Variants in SLX4 observed in about 807,000 individuals in gnomAD.
The protein encoded by SLX4 is SLX4 structure-specific endonuclease subunit.
In SLX4, 112 loss-of-function variants were observed where a neutral mutation model predicts 146.2. The observed-to-expected ratio is 0.77, with a 90% confidence interval of 0.66 to 0.90. The LOEUF is 0.90. Among genes scored for constraint, SLX4 ranks in the 40% least tolerant of loss-of-function variants. The pLI, the probability that SLX4 is intolerant of heterozygous loss-of-function variation, is 0.00. For synonymous variants in SLX4, 1,061 were observed against 997.7 expected, an observed-to-expected ratio of 1.06 and a Z score of -1.20; for missense variants, 2,563 against 2,392.7, an observed-to-expected ratio of 1.07 and a Z score of -1.49.
rs1333192827 is a variant in SLX4, at chr16:3,592,874, G to A, written c.2161-9C>T. 22 of 1,608,136 alleles carry A rather than the reference G, an allele frequency of 1.4e-5. No individual in the cohort carries two copies. Among genetic ancestry groups the A allele is most frequent in the Non-Finnish European group, 1.9e-5 (22 of 1,177,374 alleles). On this transcript the variant is annotated splice_polypyrimidine_tract_variant and intron_variant, in intron 10 of 14. Coordinates refer to ENST00000294008, the MANE Select transcript of SLX4 (RefSeq NM_032444.4). ...AAGCCTTCATTGTTCACCTGCAGGT[G>A]AAATGCAACACAGAGGGTTTACTGA...
rs1373407098 is a variant in SLX4 at position 3,592,991 on chromosome 16, C to T, written c.2161-126G>A. 1.2e-5 allele frequency: 11 copies of T among 929,180 alleles called. No homozygotes were observed. In the Admixed American group the frequency reaches 2.2e-4, roughly 19 times the overall value. 57.6% of individuals were successfully genotyped at this position (929,180 alleles called of 1,614,324 possible). The stretch of plus-strand genomic sequence containing the variant: ...TTTTTCTTTTTAGAGACAGTGTCTC[C>T]CCTTGTCACCCAGGCTAGAGTACAG... On this transcript the variant is annotated intron_variant, in intron 10 of 14. Coordinates refer to ENST00000294008, the MANE Select transcript of SLX4 (RefSeq NM_032444.4).
At position 3,582,197 on chromosome 16, in the gene SLX4, T is replaced by C. The variant is rs560416810; in HGVS notation, c.*145A>G. 4.4e-6 allele frequency: 3 copies of C among 674,826 alleles called. No homozygotes were observed. The highest frequency in any genetic ancestry group is 7.6e-6 in the Non-Finnish European group (3 of 393,796). The allele number at this position is 674,826 out of a possible 1,614,324, so 41.8% of individuals were successfully genotyped here. ...GAAGCCCTGGATTGGGCTGTGGTCA[T>C]CATCACAGCGCAGAGCTGATGTGGT... is the stretch of plus-strand genomic sequence containing the variant. On this transcript the variant is annotated 3_prime_UTR_variant, in exon 15 of 15. Coordinates refer to ENST00000294008, the MANE Select transcript of SLX4 (RefSeq NM_032444.4).
rs754209356 is a variant in SLX4, at chr16:3,583,091, G to T, written c.5153+6C>A. 3.7e-5 allele frequency: 60 copies of T among 1,614,226 alleles called. No homozygotes were observed. In the East Asian group the frequency reaches 1.3e-3, roughly 34 times the overall value. On this transcript the variant is annotated splice_donor_region_variant and intron_variant, in intron 14 of 14. Coordinates refer to ENST00000294008, the MANE Select transcript of SLX4 (RefSeq NM_032444.4). ...GCCACTGACCCCATCGCATCCATCC[G>T]GTTACCTCTGTGAGCTCAAGGAGCT...
chr16:3,604,093 G>T (rs1372714296), intron 3 of SLX4, among the ~76,000 whole-genome samples: 2 of 151,886 alleles, frequency 1.3e-5, no homozygotes, highest in Admixed American at 1.3e-4. Flanking sequence ...TTAGCCGGGT[G>T]TGGTGGTGGG....
At chr16:3,592,887 G>A (rs1188023148) in intron 10 of SLX4, 22 bp from the exon 11 acceptor site, 13 of 1,602,612 alleles carry the variant, frequency 8.1e-6, no homozygotes, top group African/African-American at 1.3e-5. Flanking sequence ...ATGCAACACA[G>A]AGGGTTTACT....
chr16:3,592,347 T>G (rs1445043650), intron 11 of SLX4, among the ~76,000 whole-genome samples: 1 of 152,364 alleles, frequency 6.6e-6, no homozygotes, highest in Admixed American at 6.5e-5. Flanking sequence ...TGGAAAGGAC[T>G]GCTGTTGTTC....
At position 3,589,924 on chromosome 16, in the gene SLX4, G is replaced by A; in HGVS notation, c.3714C>T (p.Phe1238=). The A allele has an allele frequency of 6.2e-7, 1 of 1,613,884 alleles. No individual in the cohort carries two copies. The highest frequency in any genetic ancestry group is 8.5e-7 in the Non-Finnish European group (1 of 1,179,980). ...SLGRRGAPWL[F]CDRESSPSEA... ...CGCTGGGGCTGCTCTCACGGTCACAGAACAGCCAGGGAGCCCCTCTCCTGC... is the reference window on the plus strand; with the variant it reads ...CGCTGGGGCTGCTCTCACGGTCACAAAACAGCCAGGGAGCCCCTCTCCTGC... The change falls in exon 12 of 15, where the codon TTC becomes TTT. Residue 1238 remains phenylalanine (F), a synonymous_variant. Coordinates refer to ENST00000294008, the MANE Select transcript of SLX4 (RefSeq NM_032444.4). This position sits in a 1 kb window ranked among gnomAD's most constrained non-coding sequence, Gnocchi z 6.2.
rs73505410 is a variant in SLX4 at position 3,582,090 on chromosome 16, G to A, written c.*252C>T. On this transcript the variant is annotated 3_prime_UTR_variant, in exon 15 of 15. Transcript: ENST00000294008. The stretch of plus-strand genomic sequence containing the variant: ...AAAAAGGGAGACACACTGTGAGCAC[G>A]GACAGAGGAAGGGGCTGGAGTCTGT... The A allele has an allele frequency of 7.0e-4, 404 of 578,554 alleles. No individual in the cohort carries two copies. Among genetic ancestry groups the A allele is most frequent in the African/African-American group, 6.6e-3 (353 of 53,702 alleles). The allele number at this position is 578,554 out of a possible 1,614,324, so 35.8% of individuals were successfully genotyped here.
At chr16:3,595,484 G>T in intron 9 of SLX4, 121 bp downstream of exon 9, 1 of 1,067,444 alleles carries the variant, frequency 9.4e-7, no homozygotes, top group Non-Finnish European at 1.4e-6. Flanking sequence ...GGAAAGCAGA[G>T]GCCTTGAGAG....
At position 3,583,176 on chromosome 16, in the gene SLX4, CATT is replaced by C; in HGVS notation, c.5071_5073del (p.Asn1691del). On this transcript the variant is annotated inframe_deletion, in exon 14 of 15. Coordinates refer to ENST00000294008, the MANE Select transcript of SLX4 (RefSeq NM_032444.4). ...TGAGAGGCTGGGATCTGGGCGTCAT[CATT>C]GAGGCCTGGAGGTGCCTCCTTGGTG... 2.5e-6 allele frequency: 4 copies of C among 1,614,250 alleles called. No individual in the cohort carries two copies. The highest frequency in any genetic ancestry group is 3.4e-6 in the Non-Finnish European group (4 of 1,180,048).
chr16:3,606,890 A>G (rs909170971), intron 2 of SLX4, among the ~76,000 whole-genome samples, 192 bp from the exon 3 acceptor site: 6 of 152,222 alleles, frequency 3.9e-5, no homozygotes, highest in African/African-American at 1.2e-4. Flanking sequence ...ATAAATATCA[A>G]TAACAGGAGG....
In SLX4 at chr16:3,597,719, C is replaced by T; in HGVS notation, c.1367-24G>A. 1.9e-6 allele frequency: 3 copies of T among 1,614,086 alleles called. No homozygotes were observed. The highest frequency in any genetic ancestry group is 1.6e-4 in the Middle Eastern group (1 of 6,062). On this transcript the variant is annotated intron_variant, in intron 6 of 14. Coordinates refer to ENST00000294008, the MANE Select transcript of SLX4 (RefSeq NM_032444.4). This position sits in a 1 kb window ranked among gnomAD's most constrained non-coding sequence, Gnocchi z 4.4. ...CTCTAGAGAGAAACAAAAGCGACAC[C>T]ATCAACGGTGGAGTCGGTCCACTCA...
chr16:3,610,435 A>G (rs2040844382), intron 1 of SLX4, among the ~76,000 whole-genome samples: 1 of 152,152 alleles, frequency 6.6e-6, no homozygotes, highest in South Asian at 2.1e-4. Context: ...TATCTATCGA[A>G]TGCTTACTGT....
At chr16:3,595,488 T>A in intron 9 of SLX4, 117 bp downstream of exon 9, 1 of 1,159,594 alleles carries the variant, frequency 8.6e-7, no homozygotes, top group Middle Eastern at 2.7e-4. Context: ...AGCAGAGGCC[T>A]TGAGAGGCCA....
chr16:3,586,609 G>C (rs1285825931), intron 12 of SLX4, among the ~76,000 whole-genome samples: 2 of 152,040 alleles, frequency 1.3e-5, no homozygotes, highest in African/African-American at 2.4e-5. Context: ...TTAGGAGTTC[G>C]AGACCAGCTT....
intron 1 of SLX4, among the ~76,000 whole-genome samples, chr16:3,610,992 C>A (rs997888362): frequency 6.6e-6 from 1 of 151,440 alleles, no homozygotes; most frequent in African/African-American, 2.4e-5. Flanking sequence ...CTCCGCATCT[C>A]TGTTGATATG....
In SLX4 at chr16:3,595,281, G is replaced by A. The variant is rs529109173; in HGVS notation, c.2013+324C>T. The stretch of plus-strand genomic sequence containing the variant: ...CAGAGCGTGCCTGGATGGGGCAACC[G>A]CGCTGAGAAACTGTGGTCCCTCTAC... On this transcript the variant is annotated intron_variant, in intron 9 of 14. Transcript: ENST00000294008. Among the ~76,000 whole-genome samples, 6 of 152,296 alleles carry A rather than the reference G, an allele frequency of 3.9e-5. No individual in the cohort carries two copies. In the East Asian group the frequency reaches 5.8e-4, roughly 15 times the overall value.
chr16:3,609,279 A>G lies in SLX4; in HGVS notation c.-315T>C, dbSNP rs368739206. ...AAAAATTGGCCAGGCGTGGTAGCAG[A>G]TGCCTGTAATCCCAGCTACTCGGGA... On this transcript the variant is annotated 5_prime_UTR_variant, in exon 2 of 15. Transcript: ENST00000294008. 9.2e-6 allele frequency: 3 copies of G among 325,766 alleles called. No individual in the cohort carries two copies. The highest frequency in any genetic ancestry group is 4.3e-5 in the Admixed American group (1 of 23,086). The allele number at this position is 325,766 out of a possible 1,614,324, so 20.2% of individuals were successfully genotyped here.
chr16:3,601,349 C>T (rs1440688705), intron 4 of SLX4, 158 bp from the exon 5 acceptor site: 1 of 724,356 alleles, frequency 1.4e-6, no homozygotes, highest in African/African-American at 1.7e-5. Context: ...GCAGTCAGCC[C>T]CTAGACACTA....
Sources: allele counts gnomAD v4.1 joint callset (sites outside exome capture counted in the v4.1 genomes callset), GRCh38; gene constraint gnomAD v4.1.1; non-coding constraint Gnocchi (gnomAD v3.1); transcripts MANE v1.5; gene names NCBI Gene and HGNC (gene_info 2026-07-23, HGNC 2026-07-21).